Variants in CHM observed in about 807,000 individuals in gnomAD.
CHM encodes the protein CHM Rab escort protein.
A neutral mutation model predicts 49.0 loss-of-function variants in CHM; 10 were observed. The observed-to-expected ratio is 0.20, with a 90% confidence interval of 0.13 to 0.35. The LOEUF (loss-of-function observed/expected upper bound fraction) is 0.35, where lower values mean the gene tolerates loss of function less well. CHM is among the 10% of genes least tolerant of loss of function. CHM has a pLI of 1.00. For missense variants in CHM, 455 were observed against 478.4 expected, an observed-to-expected ratio of 0.95 and a Z score of 0.46; for synonymous variants, 184 against 167.5, an observed-to-expected ratio of 1.10 and a Z score of -0.76.
At chrX:85,929,249 G>C (rs1156802237) in intron 8 of CHM, among the ~76,000 whole-genome samples, 2 of 111,501 alleles carry the variant, frequency 1.8e-5, no homozygotes, top group Non-Finnish European at 3.8e-5. Flanking sequence ...GACACTCACA[G>C]TTCCTTCTGA....
chrX:85,953,348 T>C (rs1023171460), intron 8 of CHM, among the ~76,000 whole-genome samples: 4 of 111,726 alleles, frequency 3.6e-5, no homozygotes, highest in Non-Finnish European at 7.5e-5. Context: ...GTCCATACTA[T>C]GCTAAGCAAT....
intron 1 of CHM, among the ~76,000 whole-genome samples, chrX:86,033,316 A>T (rs752139710): frequency 8.9e-6 from 1 of 112,205 alleles, no homozygotes; most frequent in Non-Finnish European, 1.9e-5. Context: ...AAGCCCAAGT[A>T]CTTTCAGCTC....
chrX:85,982,839 T>C (rs889882824), intron 2 of CHM, among the ~76,000 whole-genome samples: 1 of 111,588 alleles, frequency 9.0e-6, no homozygotes, highest in Non-Finnish European at 1.9e-5. Flanking sequence ...TAATGTGATA[T>C]CTAAAATTAC....
chrX:85,999,892 G>C (rs1355562715), intron 2 of CHM, among the ~76,000 whole-genome samples: 1 of 111,933 alleles, frequency 8.9e-6, no homozygotes, highest in Non-Finnish European at 1.9e-5. Flanking sequence ...AATAAGATTA[G>C]CTGCTCTTGA....
intron 2 of CHM, among the ~76,000 whole-genome samples, chrX:86,017,928 A>C (rs1444726895): frequency 1.8e-5 from 2 of 112,111 alleles, no homozygotes; most frequent in Non-Finnish European, 3.8e-5. Context: ...TCTTCAATTA[A>C]TAGATAACAT....
chrX:85,964,567 A>G (rs911024009), intron 4 of CHM, among the ~76,000 whole-genome samples: 11 of 111,732 alleles, frequency 9.8e-5, no homozygotes, highest in Admixed American at 9.5e-5. Flanking sequence ...TAAATACTCA[A>G]CAGTGGTAGT....
intron 11 of CHM, among the ~76,000 whole-genome samples, 197 bp downstream of exon 11, chrX:85,900,449 C>T (rs777982804): frequency 1.7e-4 from 19 of 111,145 alleles, no homozygotes; most frequent in Middle Eastern, 4.6e-3. Flanking sequence ...CAGTACAAGA[C>T]TACAGTTAAT....
chrX:86,010,239 G>T (rs972863229), intron 2 of CHM, among the ~76,000 whole-genome samples: 8 of 100,072 alleles, frequency 8.0e-5, no homozygotes, highest in Non-Finnish European at 8.0e-5. Flanking sequence ...AGTGTTAGGA[G>T]AAATACCTAA....
chrX:85,896,975 T>C (rs1925890643), intron 11 of CHM, among the ~76,000 whole-genome samples: 1 of 96,871 alleles, frequency 1.0e-5, no homozygotes, highest in South Asian at 4.1e-4. Context: ...ATATAATACA[T>C]ATAATATATA....
At position 85,901,096 on chromosome X, in the gene CHM, C is replaced by T. The variant is rs746897224; in HGVS notation, c.1337G>A (p.Arg446His). Residue 446 changes from arginine to histidine, a missense_variant, in exon 10 of 15, where the codon CGT (arginine) becomes CAT (histidine). Arg to His is a conservative substitution (Grantham distance 29). Coordinates refer to ENST00000357749, the MANE Select transcript of CHM (RefSeq NM_000390.4). Reference protein sequence around the residue: ...DSYFPENMCSRVQYRQISRAV... With the variant: ...DSYFPENMCSHVQYRQISRAV... Reference sequence around the variant, plus strand: ...GAGGGGGCCTTACCTGTATTGCACACGTGAGCACATGTTCTCAGGAAAGTA... The same window carrying T: ...GAGGGGGCCTTACCTGTATTGCACATGTGAGCACATGTTCTCAGGAAAGTA... 40 of 1,196,346 alleles carry T rather than the reference C, an allele frequency of 3.3e-5. No individual in the cohort carries two copies. In the Admixed American group the frequency reaches 6.6e-4, roughly 20 times the overall value.
chrX:85,872,671 A>G (rs1480743564), intron 14 of CHM, among the ~76,000 whole-genome samples: 1 of 112,508 alleles, frequency 8.9e-6, no homozygotes, highest in Non-Finnish European at 1.9e-5. Context: ...ACTGTTTACC[A>G]AGAAAAATAA....
intron 1 of CHM, among the ~76,000 whole-genome samples, chrX:86,042,414 C>T (rs140089298): frequency 8.2e-4 from 91 of 110,736 alleles, no homozygotes; most frequent in African/African-American, 2.9e-3. Context: ...TGCTCGGCTT[C>T]TAGGGAGGCC....
intron 2 of CHM, among the ~76,000 whole-genome samples, chrX:86,007,274 G>T (rs1055578893): frequency 6.2e-5 from 7 of 112,045 alleles, no homozygotes; most frequent in Non-Finnish European, 1.3e-4. Context: ...ATGGATTAAA[G>T]ACTTACATGT....
intron 2 of CHM, chrX:86,019,819 A>C (rs1019866213): frequency 1.8e-5 from 2 of 111,796 alleles, no homozygotes; most frequent in African/African-American, 3.2e-5. Context: ...AAGGCCAAAA[A>C]TTGGGGTAGT....
intron 4 of CHM, among the ~76,000 whole-genome samples, chrX:85,973,091 G>C (rs766686070): frequency 4.6e-5 from 5 of 109,369 alleles, no homozygotes; most frequent in African/African-American, 1.7e-4. Context: ...ATGAGGTCAA[G>C]AGATCGAAAC....
Position 86,047,517 on chromosome X carries a change from G to A in CHM, c.16C>T (p.Pro6Ser), listed in dbSNP as rs1934696473. The A allele has an allele frequency of 2.5e-6, 3 of 1,207,662 alleles. No individual in the cohort carries two copies. The East Asian group carries it at 8.9e-5, about 36-fold the overall frequency. ...ATTACGATCACATCAAACTCCGAAGGGAGAGTATCCGCCATCTTGACGGGA... is the reference window on the plus strand; with the variant it reads ...ATTACGATCACATCAAACTCCGAAGAGAGAGTATCCGCCATCTTGACGGGA... Reference protein sequence around the residue: MADTLPSEFDVIVIGT... With the variant: MADTLSSEFDVIVIGT... Residue 6 changes from proline to serine, a missense_variant, in exon 1 of 15, where the codon CCT (proline) becomes TCT (serine). Coordinates refer to ENST00000357749, the MANE Select transcript of CHM (RefSeq NM_000390.4).
chrX:85,928,380 T>C lies in CHM; in HGVS notation c.1167-17042A>G, dbSNP rs1409009964. ...CAACATGGTGAAACCCCATCTCTAC[T>C]AAAAATACAAAAATTAGCTGGGCAT... On this transcript the variant is annotated intron_variant, in intron 8 of 14. Coordinates refer to ENST00000357749, the MANE Select transcript of CHM (RefSeq NM_000390.4). 4.5e-5 allele frequency among the ~76,000 whole-genome samples: 5 copies of C among 110,200 alleles called. No individual in the cohort carries two copies. In the East Asian group the frequency reaches 1.4e-3, roughly 32 times the overall value.
chrX:85,989,957 C>A (rs1314627762), intron 2 of CHM, among the ~76,000 whole-genome samples: 1 of 111,893 alleles, frequency 8.9e-6, no homozygotes, highest in Non-Finnish European at 1.9e-5. Flanking sequence ...AAAAGCAGAG[C>A]TACCATCCAA....
chrX:85,868,535 A>T (rs1358837046), intron 14 of CHM, among the ~76,000 whole-genome samples: 2 of 111,230 alleles, frequency 1.8e-5, no homozygotes, highest in African/African-American at 3.3e-5. Context: ...TATCTGTAAA[A>T]GTTCTCCCTC....
Sources: gnomAD v4.1 joint callset for allele counts (sites outside exome capture counted in the v4.1 genomes callset) on GRCh38, gnomAD v4.1.1 for gene constraint, MANE v1.5 for transcripts, NCBI Gene and HGNC (gene_info 2026-07-23, HGNC 2026-07-21) for gene names.